The following PAK4 variants were observed in gnomAD, a reference collection of about 807,000 sequenced individuals.
PAK4 encodes the protein serine/threonine-protein kinase PAK 4.
A neutral mutation model predicts 53.5 loss-of-function variants in PAK4; 49 were observed. The ratio of observed to expected loss-of-function variants is 0.92; its 90% CI spans 0.73 to 1.16. The LOEUF is 1.16. Among genes scored for constraint, PAK4 ranks in the 50% most tolerant of loss-of-function variants. The probability of loss-of-function intolerance (pLI) is 0.00; values close to 1 mark genes in which losing one functional copy is unlikely to be tolerated. For synonymous variants in PAK4, 376 were observed against 375.6 expected, an observed-to-expected ratio of 1.00 and a Z score of -0.01; for missense variants, 824 against 850.7, an observed-to-expected ratio of 0.97 and a Z score of 0.39.
chr19:39,147,073 T>TTGTCATTGTCAATTGTCAATGACAA (rs1477885654), intron 1 of PAK4, among the ~76,000 whole-genome samples: 7 of 30,558 alleles, frequency 2.3e-4, no homozygotes, highest in East Asian at 2.4e-3. Context: ...CAATTGACAA[T>TTGTCATTGTCAATTGTCAATGACAA]TGTCATTGTC....
At chr19:39,142,294 G>A (rs2073923609) in intron 1 of PAK4, among the ~76,000 whole-genome samples, 1 of 152,182 alleles carries the variant, frequency 6.6e-6, no homozygotes, top group Non-Finnish European at 1.5e-5. Flanking sequence ...TGTAAGTTAG[G>A]ACTTAGGTCT....
intron 1 of PAK4, among the ~76,000 whole-genome samples, chr19:39,139,634 C>G (rs576668564): frequency 1.3e-5 from 2 of 152,302 alleles, no homozygotes; most frequent in African/African-American, 4.8e-5. Flanking sequence ...CCCACTCCAT[C>G]AGTCTGTCTC....
intron 1 of PAK4, among the ~76,000 whole-genome samples, chr19:39,129,348 G>A (rs1007332740): frequency 3.3e-5 from 5 of 152,082 alleles, no homozygotes; most frequent in African/African-American, 1.2e-4. Flanking sequence ...GATGGCCACT[G>A]AGGTGGTCCG....
rs2074660665 is a variant in PAK4 at position 39,178,666 on chromosome 19, T to A, written c.*87T>A. 1.4e-5 allele frequency: 18 copies of A among 1,254,408 alleles called. No individual in the cohort carries two copies. The South Asian group carries it at 2.2e-4, about 15-fold the overall frequency. The allele number at this position is 1,254,408 out of a possible 1,614,324, so 77.7% of individuals were successfully genotyped here. On this transcript the variant is annotated 3_prime_UTR_variant, in exon 9 of 9. Coordinates refer to ENST00000358301, the Ensembl canonical transcript of PAK4. The surrounding 1 kb of genome is among the most constrained non-coding windows in gnomAD (Gnocchi z 4.4). ...AGTAGGGGGCCAGGCCTCCCACTCCTCCCAGCCCGGGAGATGCTCCGCGTG... is the reference window on the plus strand; with the variant it reads ...AGTAGGGGGCCAGGCCTCCCACTCCACCCAGCCCGGGAGATGCTCCGCGTG...
chr19:39,159,636 C>T (rs2074251427), intron 1 of PAK4, among the ~76,000 whole-genome samples: 1 of 152,212 alleles, frequency 6.6e-6, no homozygotes, highest in African/African-American at 2.4e-5. Context: ...GATCCACCTG[C>T]CTCGGCCTCC....
In PAK4 at chr19:39,175,291, A is replaced by G. The variant is rs1600409869; in HGVS notation, c.1233-21A>G. ...CGGGGTGCTGTCCAGCTGGCTGCTC[A>G]CCCCCCACCCCACCCCGCAGGATGA... On this transcript the variant is annotated intron_variant, in intron 5 of 8. Transcript: ENST00000358301. The surrounding 1 kb of genome is among the most constrained non-coding windows in gnomAD (Gnocchi z 4.7). 6.4e-7 allele frequency: 1 copy of G among 1,554,436 alleles called. No individual in the cohort carries two copies. The highest frequency in any genetic ancestry group is 8.7e-7 in the Non-Finnish European group (1 of 1,147,320).
intron 1 of PAK4, among the ~76,000 whole-genome samples, chr19:39,169,252 G>A (rs953835421): frequency 1.3e-5 from 2 of 151,906 alleles, no homozygotes. Flanking sequence ...GTCTCCAGGG[G>A]GGGTGAGAAC....
chr19:39,158,870 A>G (rs2074237944), intron 1 of PAK4, among the ~76,000 whole-genome samples: 1 of 152,166 alleles, frequency 6.6e-6, no homozygotes, highest in East Asian at 1.9e-4. Flanking sequence ...AGGTAAGACT[A>G]GCATATTTGC....
intron 6 of PAK4, 127 bp from the exon 8 acceptor site, chr19:39,176,463 T>A: frequency 2.3e-6 from 3 of 1,299,962 alleles, no homozygotes; most frequent in South Asian, 1.3e-5. Flanking sequence ...GCTCTGACCC[T>A]AGACCCCAGC....
intron 2 of PAK4, among the ~76,000 whole-genome samples, chr19:39,170,046 CG>C (rs2074449843): frequency 6.6e-6 from 1 of 152,150 alleles, no homozygotes; most frequent in African/African-American, 2.4e-5. Context: ...ACTCATGTCC[CG>C]GGGGCCATGC....
chr19:39,173,672 C>T lies in PAK4; in HGVS notation c.760C>T (p.Arg254Ter), dbSNP rs1237980433. 4.4e-6 allele frequency: 7 copies of T among 1,587,836 alleles called. No individual in the cohort carries two copies. The highest frequency in any genetic ancestry group is 6.0e-6 in the Non-Finnish European group (7 of 1,165,396). Reference sequence around the variant, plus strand: ...CTCCTCCCGGCCTCCCACCCGAGCCCGAGGTGCCCCCAGCCCTGGAGTGCT... The same window carrying T: ...CTCCTCCCGGCCTCCCACCCGAGCCTGAGGTGCCCCCAGCCCTGGAGTGCT... The change falls in exon 4 of 9, where the codon CGA (arginine) becomes TGA (stop). Residue 254 changes from arginine to a stop codon, truncating the protein, a stop_gained. Coordinates refer to ENST00000358301, the Ensembl canonical transcript of PAK4. LOFTEE classifies it high-confidence loss of function. The surrounding 1 kb of genome is among the most constrained non-coding windows in gnomAD (Gnocchi z 6.9).
intron 4 of PAK4, 60 bp downstream of exon 5, chr19:39,174,070 C>A: frequency 9.6e-7 from 1 of 1,040,482 alleles, no homozygotes; most frequent in Non-Finnish European, 1.4e-6. Flanking sequence ...CCCACCCTCC[C>A]TCCCCTCCTC....
chr19:39,171,089 G>T (rs552041121), intron 2 of PAK4, among the ~76,000 whole-genome samples: 7 of 152,368 alleles, frequency 4.6e-5, no homozygotes, highest in African/African-American at 1.7e-4. Flanking sequence ...AGGAGGCAGG[G>T]CACTTGAATT....
intron 7 of PAK4, among the ~76,000 whole-genome samples, 185 bp from the exon 9 acceptor site, chr19:39,177,490 C>T (rs2074630193): frequency 6.6e-6 from 1 of 152,122 alleles, no homozygotes; most frequent in Non-Finnish European, 1.5e-5. Flanking sequence ...GGGCAGCTCT[C>T]TTGAGGGGCT....
At chr19:39,174,351 T>G (rs2074558323) in intron 4 of PAK4, among the ~76,000 whole-genome samples, 1 of 151,538 alleles carries the variant, frequency 6.6e-6, no homozygotes, top group African/African-American at 2.4e-5. Context: ...GGGTTCCCTG[T>G]GCCCCGCCCT....
intron 1 of PAK4, among the ~76,000 whole-genome samples, chr19:39,165,778 T>C (rs2074365774): frequency 6.6e-6 from 1 of 152,164 alleles, no homozygotes; most frequent in African/African-American, 2.4e-5. Context: ...GGGATGAGGA[T>C]GCTTGTGAGG....
intron 1 of PAK4, among the ~76,000 whole-genome samples, chr19:39,156,013 C>T (rs1346318224): frequency 1.8e-4 from 27 of 152,266 alleles, no homozygotes; most frequent in Non-Finnish European, 1.5e-5. Context: ...GGCCTCCTCT[C>T]CCTCCTCCCT....
intron 2 of PAK4, among the ~76,000 whole-genome samples, chr19:39,171,312 G>A (rs537918109): frequency 2.0e-5 from 3 of 151,862 alleles, no homozygotes; most frequent in East Asian, 3.9e-4. Flanking sequence ...GGGTTCAAGC[G>A]ATTTTCCTGC....
At chr19:39,163,911 G>A (rs191787950) in intron 1 of PAK4, among the ~76,000 whole-genome samples, 97 of 152,282 alleles carry the variant, frequency 6.4e-4, no homozygotes, top group Non-Finnish European at 2.4e-4. Context: ...CCTGGGCTAC[G>A]AGGGGGTAAG....
Sources: allele counts gnomAD v4.1 joint callset (sites outside exome capture counted in the v4.1 genomes callset), GRCh38; gene constraint gnomAD v4.1.1; non-coding constraint Gnocchi (gnomAD v3.1); transcripts MANE v1.5; gene names NCBI Gene and HGNC (gene_info 2026-07-23, HGNC 2026-07-21).